The following CEP128 variants were observed in gnomAD, a reference collection of about 807,000 sequenced individuals.
CEP128 encodes the protein centrosomal protein 128kDa.
CEP128 carries 132 observed loss-of-function variants against 156.7 expected under a neutral mutation model. The observed-to-expected ratio is 0.84, with a 90% CI of 0.73 to 0.97. The LOEUF (loss-of-function observed/expected upper bound fraction) is 0.97, where lower values mean the gene tolerates loss of function less well. Ranked by LOEUF, CEP128 falls within the 50% of genes least tolerant of loss-of-function variation. CEP128 has a pLI of 0.00. For missense variants in CEP128, 1,252 were observed against 1,281.9 expected (o/e 0.98, Z 0.36); for synonymous variants, 469 against 448.9 (o/e 1.04, Z -0.57).
chr14:80,720,992 A>G (rs1184159880), intron 19 of CEP128, among the ~76,000 whole-genome samples: 1 of 152,196 alleles, frequency 6.6e-6, no homozygotes, highest in Non-Finnish European at 1.5e-5. Context: ...TTTGCTCGTT[A>G]TCTTTATCTG....
At chr14:80,503,048 T>G (rs1228601119) in intron 24 of CEP128, among the ~76,000 whole-genome samples, 1 of 152,140 alleles carries the variant, frequency 6.6e-6, no homozygotes, top group Non-Finnish European at 1.5e-5. Flanking sequence ...TTTTAAAGTA[T>G]TTTTGAAAAT....
chr14:80,778,833 C>T (rs531772373), intron 15 of CEP128, among the ~76,000 whole-genome samples: 3 of 152,246 alleles, frequency 2.0e-5, no homozygotes, highest in South Asian at 2.1e-4. Context: ...ACACTATGTG[C>T]CAGACACTGC....
At chr14:80,597,842 T>C (rs924858232) in intron 19 of CEP128, among the ~76,000 whole-genome samples, 2 of 147,732 alleles carry the variant, frequency 1.4e-5, no homozygotes, top group African/African-American at 5.0e-5. Context: ...TAAACAAAAA[T>C]CACAGGATCA....
At chr14:80,584,131 C>T (rs1891705265) in intron 19 of CEP128, among the ~76,000 whole-genome samples, 2 of 148,590 alleles carry the variant, frequency 1.3e-5, no homozygotes, top group African/African-American at 5.0e-5. Context: ...TGAATCAGGG[C>T]GTCCGTGACA....
intron 9 of CEP128, among the ~76,000 whole-genome samples, chr14:80,854,540 A>C (rs754100151): frequency 2.0e-5 from 3 of 152,146 alleles, no homozygotes; most frequent in Non-Finnish European, 4.4e-5. Flanking sequence ...CGTCAACATG[A>C]GTTCCTTTTT....
At chr14:80,706,626 T>C (rs1897248197) in intron 19 of CEP128, among the ~76,000 whole-genome samples, 1 of 152,152 alleles carries the variant, frequency 6.6e-6, no homozygotes, top group Non-Finnish European at 1.5e-5. Context: ...GTGGGTCTTT[T>C]AGGGTTCATT....
chr14:80,581,382 AACTCAAAT>A (rs1891586147), intron 19 of CEP128, among the ~76,000 whole-genome samples: 1 of 152,214 alleles, frequency 6.6e-6, no homozygotes, highest in African/African-American at 2.4e-5. Context: ...CAGAAAGGCA[AACTCAAAT>A]GTTTTACCAA....
chr14:80,917,968 G>A (rs1884654295), intron 2 of CEP128, among the ~76,000 whole-genome samples: 1 of 152,134 alleles, frequency 6.6e-6, no homozygotes, highest in South Asian at 2.1e-4. Flanking sequence ...AGCTAAGACA[G>A]GGTTAGAGAA....
chr14:80,755,667 C>T (rs1256063179), intron 18 of CEP128, among the ~76,000 whole-genome samples: 1 of 152,160 alleles, frequency 6.6e-6, no homozygotes, highest in Admixed American at 6.5e-5. Context: ...TTCTACTTTC[C>T]ATATAGTTTT....
At chr14:80,613,098 C>T (rs553613908) in intron 19 of CEP128, among the ~76,000 whole-genome samples, 14 of 150,628 alleles carry the variant, frequency 9.3e-5, no homozygotes, top group Admixed American at 4.6e-4. Context: ...TCAGGCAATC[C>T]GCCCACCTCG....
In CEP128 at chr14:80,646,490, G is replaced by C. The variant is rs530223484; in HGVS notation, c.2807-66067C>G. 3.3e-5 allele frequency among the ~76,000 whole-genome samples: 5 copies of C among 151,964 alleles called. No individual in the cohort carries two copies. In the East Asian group the frequency reaches 9.7e-4, roughly 29 times the overall value. On this transcript the variant is annotated intron_variant, in intron 19 of 24. Transcript: ENST00000555265. ...TAAGGATTCAAGTGAAGGTCAGATT[G>C]GGCAAAACATGCAGTTCTGAATCAA...
At chr14:80,513,570 T>A (rs1888356299) in intron 23 of CEP128, among the ~76,000 whole-genome samples, 1 of 152,182 alleles carries the variant, frequency 6.6e-6, no homozygotes, top group Non-Finnish European at 1.5e-5. Context: ...AATCTCTCTC[T>A]CTCTAGCTCC....
intron 19 of CEP128, among the ~76,000 whole-genome samples, chr14:80,643,154 T>A (rs1403748762): frequency 1.3e-5 from 2 of 152,168 alleles, no homozygotes; most frequent in African/African-American, 4.8e-5. Context: ...TTCAAATCAA[T>A]CCTCAATCTT....
chr14:80,515,871 A>T (rs1176045613), intron 23 of CEP128, among the ~76,000 whole-genome samples: 1 of 152,044 alleles, frequency 6.6e-6, no homozygotes, highest in Non-Finnish European at 1.5e-5. Context: ...GGTACCACTT[A>T]CGTTTTTTCT....
chr14:80,856,363 C>G (rs2619661), intron 9 of CEP128, among the ~76,000 whole-genome samples: 96,167 of 152,038 alleles, frequency 0.63, 30,831 homozygotes, highest in East Asian at 0.79. Context: ...GCTCTGAAGA[C>G]GGCCAGGCAT....
chr14:80,528,581 C>T (rs912841942), intron 22 of CEP128, among the ~76,000 whole-genome samples: 5 of 152,156 alleles, frequency 3.3e-5, no homozygotes, highest in Non-Finnish European at 5.9e-5. Flanking sequence ...AGCCACTGCG[C>T]CCAGCCAACA....
rs190461101 is a variant in CEP128, at chr14:80,586,472, A to G, written c.2807-6049T>C. On this transcript the variant is annotated intron_variant, in intron 19 of 24. Transcript: ENST00000555265. Reference sequence around the variant, plus strand: ...GGGCTTTTGAATTGGACCAGGGTCCAGTACTTTTTTTTTCTTTACACAAAA... The same window carrying G: ...GGGCTTTTGAATTGGACCAGGGTCCGGTACTTTTTTTTTCTTTACACAAAA... Among the ~76,000 whole-genome samples the G allele has an allele frequency of 3.9e-5, 6 of 152,362 alleles. No individual in the cohort carries two copies. In the East Asian group the frequency reaches 1.2e-3, roughly 29 times the overall value.
At chr14:80,576,096 G>C (rs550265713) in intron 20 of CEP128, among the ~76,000 whole-genome samples, 1 of 151,644 alleles carries the variant, frequency 6.6e-6, no homozygotes, top group Admixed American at 6.6e-5. Flanking sequence ...AAGCAACATG[G>C]GGAAAGGTGA....
intron 4 of CEP128, among the ~76,000 whole-genome samples, chr14:80,912,963 G>A (rs1471879524): frequency 1.3e-5 from 2 of 152,044 alleles, no homozygotes; most frequent in African/African-American, 4.8e-5. Flanking sequence ...AAGTTTAATT[G>A]GTTTTCCAAG....
Sources: gnomAD v4.1 joint callset for allele counts (sites outside exome capture counted in the v4.1 genomes callset) on GRCh38, gnomAD v4.1.1 for gene constraint, MANE v1.5 for transcripts, NCBI Gene and HGNC (gene_info 2026-07-23, HGNC 2026-07-21) for gene names.